The following DCDC1 variants were observed in gnomAD, a reference collection of about 807,000 sequenced individuals.
The protein encoded by DCDC1 is doublecortin domain containing 1, also known as doublecortin domain-containing protein 1.
A neutral mutation model predicts 178.3 loss-of-function variants in DCDC1; 200 were observed. The ratio of observed to expected loss-of-function variants is 1.12; its 90% CI spans 1.00 to 1.26. The LOEUF (loss-of-function observed/expected upper bound fraction) is 1.26, where lower values mean the gene tolerates loss of function less well. Among genes scored for constraint, DCDC1 ranks in the 50% most tolerant of loss-of-function variants. DCDC1 has a pLI of 0.00. For missense variants in DCDC1, 1,983 were observed against 1,749.2 expected (o/e 1.13, Z -2.38); for synonymous variants, 690 against 604.8 (o/e 1.14, Z -2.07).
At chr11:31,089,791 C>A (rs937040639) in intron 17 of DCDC1, among the ~76,000 whole-genome samples, 4 of 152,034 alleles carry the variant, frequency 2.6e-5, no homozygotes, top group Non-Finnish European at 4.4e-5. Context: ...TCTTTTATAT[C>A]TTCCATGTAT....
intron 36 of DCDC1, among the ~76,000 whole-genome samples, chr11:30,884,901 T>C (rs1012271246): frequency 6.6e-6 from 1 of 152,076 alleles, no homozygotes; most frequent in Non-Finnish European, 1.5e-5. Context: ...ACAACTTCAG[T>C]CAAAATCCTA....
Position 31,251,101 on chromosome 11 carries a change from A to G in DCDC1, c.1055-9485T>C, listed in dbSNP as rs542925100. Among the ~76,000 whole-genome samples the G allele has an allele frequency of 5.9e-5, 9 of 152,236 alleles. No individual in the cohort carries two copies. The East Asian group carries it at 9.7e-4, about 16-fold the overall frequency. ...AATATCTACTCTGTTATTTAGCCCTATGCTGAACATGGGAATACAGAGAAG... is the reference window on the plus strand; with the variant it reads ...AATATCTACTCTGTTATTTAGCCCTGTGCTGAACATGGGAATACAGAGAAG... On this transcript the variant is annotated intron_variant, in intron 8 of 38. Transcript: ENST00000684477.
chr11:31,243,443 G>C (rs1977433294), intron 8 of DCDC1, among the ~76,000 whole-genome samples: 1 of 151,642 alleles, frequency 6.6e-6, no homozygotes, highest in African/African-American at 2.4e-5. Context: ...TTGAGCAGTA[G>C]GTGATAAGCT....
At chr11:31,240,121 A>G (rs1976935457) in intron 9 of DCDC1, among the ~76,000 whole-genome samples, 1 of 151,998 alleles carries the variant, frequency 6.6e-6, no homozygotes, top group South Asian at 2.1e-4. Flanking sequence ...AAGTGGAATC[A>G]AACCACATTA....
intron 21 of DCDC1, among the ~76,000 whole-genome samples, chr11:30,945,180 G>C (rs972692659): frequency 2.0e-5 from 3 of 151,336 alleles, no homozygotes; most frequent in Non-Finnish European, 4.4e-5. Context: ...TGTTGGTCAG[G>C]CTGGTCTCCA....
chr11:31,111,494 G>T (rs1263189598), intron 11 of DCDC1, among the ~76,000 whole-genome samples: 1 of 152,102 alleles, frequency 6.6e-6, no homozygotes, highest in South Asian at 2.1e-4. Context: ...GCTACTGATA[G>T]TCCAGTCAAG....
chr11:31,205,933 C>A (rs936133305), intron 9 of DCDC1, among the ~76,000 whole-genome samples: 13 of 152,074 alleles, frequency 8.5e-5, no homozygotes. Flanking sequence ...AAAAGCTGAA[C>A]CTTACCTCAT....
intron 9 of DCDC1, among the ~76,000 whole-genome samples, chr11:31,209,293 G>A (rs557274556): frequency 1.7e-4 from 26 of 152,270 alleles, no homozygotes; most frequent in African/African-American, 3.6e-4. Flanking sequence ...TCCCTCCGAG[G>A]TAACATACCT....
chr11:31,016,933 G>C lies in DCDC1; in HGVS notation c.2591+47536C>G, dbSNP rs570388355. 3.3e-5 allele frequency among the ~76,000 whole-genome samples: 5 copies of C among 152,254 alleles called. No homozygotes were observed. The South Asian group carries it at 1.0e-3, about 32-fold the overall frequency. On this transcript the variant is annotated intron_variant, in intron 20 of 38. Transcript: ENST00000684477. ...TGGCTGAATGCAGGAGAAATAATTG[G>C]AAATGAACCCGAAATGCTCTGCTGT...
rs1040196904 is a variant in DCDC1, at chr11:31,146,897, G to A, written c.1222-9113C>T. Among the ~76,000 whole-genome samples, 12 of 152,090 alleles carry A rather than the reference G, an allele frequency of 7.9e-5. No individual in the cohort carries two copies. The South Asian group carries it at 1.2e-3, about 16-fold the overall frequency. On this transcript the variant is annotated intron_variant, in intron 9 of 38. Transcript: ENST00000684477. ...GACCTAGGACACATGAAAACCAAGCGTGGTTCAGAAAATCTCAGGCCTCCT... is the reference window on the plus strand; with the variant it reads ...GACCTAGGACACATGAAAACCAAGCATGGTTCAGAAAATCTCAGGCCTCCT...
Position 31,268,160 on chromosome 11 carries a change from T to C in DCDC1, c.961-2560A>G, listed in dbSNP as rs374095583. ...ATGAAGTTATTACTGTATTTAAAAG[T>C]ATAATGATGTCCTTCGGTACAATTT... On this transcript the variant is annotated intron_variant, in intron 7 of 38. Coordinates refer to ENST00000684477, the MANE Select transcript of DCDC1 (RefSeq NM_001387274.1). 6.6e-5 allele frequency among the ~76,000 whole-genome samples: 10 copies of C among 152,342 alleles called. No homozygotes were observed. The East Asian group carries it at 1.2e-3, about 18-fold the overall frequency.
intron 1 of DCDC1, among the ~76,000 whole-genome samples, chr11:31,348,124 T>C (rs560088069): frequency 3.7e-4 from 56 of 152,354 alleles, no homozygotes; most frequent in African/African-American, 1.2e-3. Context: ...CTCTTATCTA[T>C]ATTAATACAT....
Position 30,878,711 on chromosome 11 carries a change from T to C in DCDC1, c.5234A>G (p.Glu1745Gly). 6.6e-7 allele frequency: 1 copy of C among 1,520,162 alleles called. No individual in the cohort carries two copies. Among genetic ancestry groups the C allele is most frequent in the Non-Finnish European group, 8.8e-7 (1 of 1,139,566 alleles). 94.2% of individuals were successfully genotyped at this position (1,520,162 alleles called of 1,614,324 possible). A position where few individuals can be genotyped will look rare whatever the true frequency, so the allele number is the denominator to read the frequency against. The change falls in exon 38 of 39, where the codon GAG becomes GGG. Residue 1745 changes from glutamate to glycine, a missense_variant and splice_region_variant. Glu to Gly is a moderately conservative substitution (Grantham distance 98, BLOSUM62 -2). Coordinates refer to ENST00000684477, the MANE Select transcript of DCDC1 (RefSeq NM_001387274.1). ...TCTGATCTCCATCAGTTGTTTTAAC[T>C]CTGTTAAAAAAAAAAAAAAAAGAAG... ...SMGHGFKTPK[E>G]LKQLMEIRAN...
intron 20 of DCDC1, among the ~76,000 whole-genome samples, chr11:31,037,160 T>C (rs1332341989): frequency 6.6e-6 from 1 of 152,158 alleles, no homozygotes; most frequent in African/African-American, 2.4e-5. Flanking sequence ...ATCAGTATCA[T>C]TTTAAATCTT....
At chr11:31,213,598 T>A (rs1023954900) in intron 9 of DCDC1, among the ~76,000 whole-genome samples, 1 of 151,810 alleles carries the variant, frequency 6.6e-6, no homozygotes, top group Non-Finnish European at 1.5e-5. Flanking sequence ...CGGGCACCTG[T>A]AATCCCAGCT....
At chr11:30,881,029 C>T in intron 37 of DCDC1, 129 bp downstream of exon 37, 1 of 1,045,436 alleles carries the variant, frequency 9.6e-7, no homozygotes, top group South Asian at 1.8e-5. Context: ...ACTTCCATAA[C>T]ATGGAGTAGA....
chr11:31,192,442 GT>G (rs972049781), intron 9 of DCDC1, among the ~76,000 whole-genome samples: 2 of 152,046 alleles, frequency 1.3e-5, no homozygotes, highest in Non-Finnish European at 2.9e-5. Flanking sequence ...GTATTTAGAA[GT>G]CCCCATATGC....
chr11:30,957,604 C>CTAAGA (rs1193411111), intron 20 of DCDC1, among the ~76,000 whole-genome samples: 2 of 152,164 alleles, frequency 1.3e-5, no homozygotes, highest in African/African-American at 4.8e-5. Flanking sequence ...AGTGTTGGTC[C>CTAAGA]TAAGATTGTT....
intron 20 of DCDC1, among the ~76,000 whole-genome samples, chr11:31,041,414 A>C (rs1325340469): frequency 6.6e-6 from 1 of 152,222 alleles, no homozygotes; most frequent in Non-Finnish European, 1.5e-5. Context: ...CTTACGTTAC[A>C]CTGACTTTGT....
Sources: allele counts gnomAD v4.1 joint callset (sites outside exome capture counted in the v4.1 genomes callset), GRCh38; gene constraint gnomAD v4.1.1; transcripts MANE v1.5; gene names NCBI Gene and HGNC (gene_info 2026-07-23, HGNC 2026-07-21).